The following DPPA3 variants were observed in gnomAD, a reference collection of about 807,000 sequenced individuals.
DPPA3 encodes developmental pluripotency associated 3.
In DPPA3, 9 loss-of-function variants were observed where a neutral mutation model predicts 15.6. The ratio of observed to expected loss-of-function variants is 0.58; its 90% CI spans 0.35 to 1.01. DPPA3 has a LOEUF of 1.01. Among genes scored for constraint, DPPA3 ranks in the 50% least tolerant of loss-of-function variants. The pLI, the probability that DPPA3 is intolerant of heterozygous loss-of-function variation, is 0.02. For synonymous variants in DPPA3, 61 were observed against 70.9 expected (o/e 0.86, Z 0.70); for missense variants, 148 against 194.6 (o/e 0.76, Z 1.42).
intron 3 of DPPA3, among the ~76,000 whole-genome samples, chr12:7,716,546 G>A (rs1016476440): frequency 1.3e-5 from 2 of 152,092 alleles, no homozygotes; most frequent in South Asian, 4.1e-4. Context: ...ACCCTGACAG[G>A]ATTATCATCC....
Position 7,717,285 on chromosome 12 carries a change from T to G in DPPA3, c.*208T>G. 1 of 498,190 alleles carries G rather than the reference T, an allele frequency of 2.0e-6. No individual in the cohort carries two copies. The highest frequency in any genetic ancestry group is 3.7e-5 in the South Asian group (1 of 27,140). The allele number at this position is 498,190 out of a possible 1,614,324, so 30.9% of individuals were successfully genotyped here. On this transcript the variant is annotated 3_prime_UTR_variant, in exon 4 of 4. Transcript: ENST00000345088. ...TGTATTTGAATAACTTTAGCTCTAC[T>G]GTTTGATTTGACCCAAAGAAGCCAA...
At chr12:7,712,161 C>T (rs1404111908) in intron 1 of DPPA3, among the ~76,000 whole-genome samples, 2 of 149,036 alleles carry the variant, frequency 1.3e-5, no homozygotes, top group Admixed American at 6.7e-5. Flanking sequence ...GTGATCCGCC[C>T]GCCTCGGCCT....
chr12:7,715,096 C>A (rs1179457958), intron 1 of DPPA3, 87 bp from the exon 2 acceptor site: 2 of 1,584,766 alleles, frequency 1.3e-6, no homozygotes, highest in Admixed American at 1.7e-5. Context: ...CACACAGCGC[C>A]CTGTTCCCCT....
At position 7,715,170 on chromosome 12, in the gene DPPA3, C is replaced by T. The variant is rs745343718; in HGVS notation, c.83-13C>T. 5 of 1,613,026 alleles carry T rather than the reference C, an allele frequency of 3.1e-6. No individual in the cohort carries two copies. Among genetic ancestry groups the T allele is most frequent in the Middle Eastern group, 1.7e-4 (1 of 6,050 alleles). On this transcript the variant is annotated splice_polypyrimidine_tract_variant and intron_variant, in intron 1 of 3. Transcript: ENST00000345088. ...ATCCCCTTAATGTAATGGCTTTTAA[C>T]CTTCTCTTTCAGGGGCCTCTCAAAT...
intron 1 of DPPA3, among the ~76,000 whole-genome samples, chr12:7,713,211 T>C (rs1864364103): frequency 6.6e-6 from 1 of 152,220 alleles, no homozygotes; most frequent in Admixed American, 6.5e-5. Flanking sequence ...GCCAACACCT[T>C]CGACTGCCCG....
intron 1 of DPPA3, 68 bp downstream of exon 1, chr12:7,711,720 C>CTTTTTTTTTTTTTTTTT (rs3069565): frequency 3.1e-6 from 1 of 321,022 alleles, no homozygotes; most frequent in African/African-American, 4.4e-5. Context: ...AGGCTGCCGT[C>CTTTTTTTTTTTTTTTTT]TTTTTTTTTT....
rs71038728 is a variant in DPPA3, at chr12:7,712,077, G to GGCTATT, written c.82+425_82+426insGCTATT. Among the ~76,000 whole-genome samples the GGCTATT allele has an allele frequency of 1.5e-3, 114 of 77,974 alleles. 47 individuals are homozygous for GGCTATT. Among genetic ancestry groups the GGCTATT allele is most frequent in the East Asian group, 3.0e-3 (8 of 2,676 alleles). 51.2% of individuals were successfully genotyped at this position (77,974 alleles called of 152,430 possible). On this transcript the variant is annotated intron_variant, in intron 1 of 3. Coordinates refer to ENST00000345088, the MANE Select transcript of DPPA3 (RefSeq NM_199286.4). ...ACTACAGGCGCCCGCCACCGCGCCC[G>GGCTATT]TTTTTTTTTTTGTATTTTTGGTAGA...
intron 1 of DPPA3, among the ~76,000 whole-genome samples, chr12:7,712,550 C>A (rs1864356539): frequency 6.6e-6 from 1 of 152,056 alleles, no homozygotes; most frequent in Non-Finnish European, 1.5e-5. Context: ...CGGGTTCAAG[C>A]AATTCTCCTG....
rs201591750 is a variant in DPPA3 at position 7,717,018 on chromosome 12, T to C, written c.421T>C (p.Trp141Arg). The change falls in exon 4 of 4, where the codon TGG (tryptophan) becomes CGG (arginine). Residue 141 changes from tryptophan (W) to arginine (R), a missense_variant. Physicochemically the swap from Trp to Arg is moderately radical, Grantham distance 101 (BLOSUM62 -3). Coordinates refer to ENST00000345088, the MANE Select transcript of DPPA3 (RefSeq NM_199286.4). ...CTGCAGTTTCTGCGTGTCTAATGGA[T>C]GGGATCCTTCTGAGAATGCTAGAAT... is the stretch of plus-strand genomic sequence containing the variant. The part of the protein sequence containing the change: ...CPCSFCVSNG[W>R]DPSENARIGN... The C allele has an allele frequency of 6.7e-5, 108 of 1,613,992 alleles. No homozygotes were observed. Among genetic ancestry groups the C allele is most frequent in the Non-Finnish European group, 8.8e-5 (104 of 1,179,984 alleles).
At chr12:7,712,066 C>A in intron 1 of DPPA3, among the ~76,000 whole-genome samples, 1 of 39,670 alleles carries the variant, frequency 2.5e-5, no homozygotes, top group Admixed American at 3.2e-4. Flanking sequence ...CAGGCGCCCG[C>A]CACCGCGCCC....
rs201819455 is a variant in DPPA3, at chr12:7,711,638, C to T, written c.68C>T (p.Ser23Phe). ...CCACAAATGCTCACCGAAGAAAATT[C>T]CCGGGACGATTCAGGTAAGCCAGAT... Reference protein sequence around the residue: ...GSPQMLTEENSRDDSGASQIS... With the variant: ...GSPQMLTEENFRDDSGASQIS... The change falls in exon 1 of 4, where the codon TCC becomes TTC. Residue 23 changes from serine (S) to phenylalanine (F), a missense_variant. Ser to Phe is a radical substitution (Grantham distance 155). Coordinates refer to ENST00000345088, the MANE Select transcript of DPPA3 (RefSeq NM_199286.4). 179 of 1,603,800 alleles carry T rather than the reference C, an allele frequency of 1.1e-4. No homozygotes were observed. Among genetic ancestry groups the T allele is most frequent in the Non-Finnish European group, 1.5e-4 (178 of 1,174,248 alleles).
At chr12:7,716,476 A>G (rs1209413102) in intron 3 of DPPA3, among the ~76,000 whole-genome samples, 2 of 152,070 alleles carry the variant, frequency 1.3e-5, no homozygotes, top group Non-Finnish European at 2.9e-5. Flanking sequence ...CACCCCACAC[A>G]TGCCGCCTCT....
At chr12:7,712,357 AT>A (rs1864354685) in intron 1 of DPPA3, among the ~76,000 whole-genome samples, 1 of 151,962 alleles carries the variant, frequency 6.6e-6, no homozygotes, top group African/African-American at 2.4e-5. Flanking sequence ...CAGAGACCAA[AT>A]AAACAAAAGA....
At chr12:7,714,403 G>A (rs747058754) in intron 1 of DPPA3, among the ~76,000 whole-genome samples, 43 of 149,434 alleles carry the variant, frequency 2.9e-4, no homozygotes, top group African/African-American at 1.0e-3. Context: ...CGAATTTTGT[G>A]ATTGGTTGGA....
At chr12:7,713,022 GA>G (rs1864361429) in intron 1 of DPPA3, among the ~76,000 whole-genome samples, 1 of 152,236 alleles carries the variant, frequency 6.6e-6, no homozygotes, top group Non-Finnish European at 1.5e-5. Context: ...GGCTTATCTA[GA>G]AACTGCTTGG....
intron 1 of DPPA3, among the ~76,000 whole-genome samples, chr12:7,714,673 ACG>A (rs1380342464): frequency 1.6e-5 from 2 of 128,044 alleles, no homozygotes; most frequent in African/African-American, 5.7e-5. Context: ...CACCACCACC[ACG>A]CCTGGCTAAT....
chr12:7,713,496 AAAAAC>A (rs1403541998), intron 1 of DPPA3, among the ~76,000 whole-genome samples: 9 of 152,324 alleles, frequency 5.9e-5, no homozygotes, highest in East Asian at 5.8e-4. Flanking sequence ...ATAGGGGGCA[AAAAAC>A]AAAACAAAAC....
rs745343718 is a variant in DPPA3, at chr12:7,715,170, C to G, written c.83-13C>G. ...ATCCCCTTAATGTAATGGCTTTTAA[C>G]CTTCTCTTTCAGGGGCCTCTCAAAT... is the stretch of plus-strand genomic sequence containing the variant. On this transcript the variant is annotated splice_polypyrimidine_tract_variant and intron_variant, in intron 1 of 3. Transcript: ENST00000345088. The G allele has an allele frequency of 1.9e-6, 3 of 1,612,908 alleles. No individual in the cohort carries two copies. Among genetic ancestry groups the G allele is most frequent in the African/African-American group, 1.3e-5 (1 of 74,862 alleles).
intron 2 of DPPA3, among the ~76,000 whole-genome samples, chr12:7,715,850 G>A (rs1864393871): frequency 1.3e-5 from 2 of 152,036 alleles, no homozygotes; most frequent in South Asian, 4.1e-4. Context: ...GGAAGGCTGA[G>A]GTGGGAGGAT....
Sources: gnomAD v4.1 joint callset for allele counts (sites outside exome capture counted in the v4.1 genomes callset) on GRCh38, gnomAD v4.1.1 for gene constraint, MANE v1.5 for transcripts, NCBI Gene and HGNC (gene_info 2026-07-23, HGNC 2026-07-21) for gene names.